The following CPNE7 variants were observed in gnomAD, a reference collection of about 807,000 sequenced individuals.
CPNE7 encodes the protein copine 7.
A neutral mutation model predicts 66.5 loss-of-function variants in CPNE7; 78 were observed. The observed-to-expected ratio is 1.17, with a 90% CI of 0.98 to 1.42. CPNE7 has a LOEUF of 1.42. Among genes scored for constraint, CPNE7 ranks in the 40% most tolerant of loss-of-function variants. The pLI is 0.00. For missense variants in CPNE7, 1,012 were observed against 776.6 expected, an observed-to-expected ratio of 1.30 and a Z score of -3.60; for synonymous variants, 468 against 336.7, an observed-to-expected ratio of 1.39 and a Z score of -4.27.
In CPNE7 at chr16:89,586,423, G is replaced by A. The variant is rs187689102; in HGVS notation, c.781-247G>A. ...CACCCTGGGCCCTGCTTCCTCCCCCGTCCCTGGGCCTCAGTGTCCTTGGGC... is the reference window on the plus strand; with the variant it reads ...CACCCTGGGCCCTGCTTCCTCCCCCATCCCTGGGCCTCAGTGTCCTTGGGC... On this transcript the variant is annotated intron_variant, in intron 7 of 14. Coordinates refer to ENST00000319518, the MANE Select transcript of CPNE7 (RefSeq NM_153636.3). 2.5e-3 allele frequency among the ~76,000 whole-genome samples: 373 copies of A among 152,022 alleles called. 2 individuals are homozygous for A. Among genetic ancestry groups the A allele is most frequent in the Admixed American group, 3.1e-3 (47 of 15,302 alleles).
chr16:89,590,599 C>G (rs2059152297), intron 11 of CPNE7, among the ~76,000 whole-genome samples: 1 of 151,366 alleles, frequency 6.6e-6, no homozygotes, highest in South Asian at 2.1e-4. Context: ...GATTTATTGG[C>G]TAATGTAAGC....
intron 9 of CPNE7, chr16:89,587,523 G>C (rs2059074018): frequency 6.6e-6 from 3 of 452,934 alleles, no homozygotes; most frequent in Non-Finnish European, 1.3e-5. Flanking sequence ...GACATCACCA[G>C]GGCTTACCTT....
At chr16:89,577,762 G>T (rs545130174) in intron 2 of CPNE7, 41 bp downstream of exon 2, 41 of 1,544,982 alleles carry the variant, frequency 2.7e-5, no homozygotes, top group South Asian at 4.8e-5. Context: ...GACGGTTGGC[G>T]TGGGGGCCAC....
chr16:89,577,820 T>A, intron 2 of CPNE7, 99 bp downstream of exon 2: 1 of 1,155,286 alleles, frequency 8.7e-7, no homozygotes, highest in Non-Finnish European at 1.2e-6. Context: ...CCTGCTGGGG[T>A]GGCCAACCTG....
chr16:89,588,885 A>AC (rs1207852852), intron 10 of CPNE7, 77 bp downstream of exon 10: 15 of 1,493,968 alleles, frequency 1.0e-5, no homozygotes, highest in African/African-American at 1.5e-5. Context: ...CTTCCCCCTC[A>AC]CCCCCCTGGT....
At chr16:89,594,809 G>A (rs1309781663) in intron 13 of CPNE7, among the ~76,000 whole-genome samples, 2 of 151,624 alleles carry the variant, frequency 1.3e-5, no homozygotes, top group South Asian at 2.1e-4. Flanking sequence ...CCACCACCAC[G>A]CCCAGCTAGT....
intron 2 of CPNE7, among the ~76,000 whole-genome samples, chr16:89,581,838 G>T (rs1029239403): frequency 2.6e-5 from 4 of 152,146 alleles, no homozygotes; most frequent in Non-Finnish European, 5.9e-5. Context: ...AGAGACAGGG[G>T]TCTCACCATG....
At chr16:89,595,263 C>G (rs2059235021) in intron 13 of CPNE7, 104 bp from the exon 14 acceptor site, 2 of 891,620 alleles carry the variant, frequency 2.2e-6, no homozygotes, top group East Asian at 2.5e-5. Context: ...CTAGGAAGCT[C>G]TGACGCACGG....
intron 10 of CPNE7, 142 bp downstream of exon 10, chr16:89,588,950 C>G: frequency 9.9e-7 from 1 of 1,006,910 alleles, no homozygotes; most frequent in Non-Finnish European, 1.5e-6. Flanking sequence ...CCCCCCTGGG[C>G]TCCAGGTCAG....
At position 89,596,903 on chromosome 16, in the gene CPNE7, T is replaced by G; in HGVS notation, c.*282T>G. ...GGACTTGGAGGGAGCTGGGAGTTCA[T>G]CCACGGGAGACCCTGCCCCGATGAG... On this transcript the variant is annotated 3_prime_UTR_variant, in exon 15 of 15. Transcript: ENST00000319518. The G allele has an allele frequency of 2.9e-6, 1 of 343,300 alleles. No individual in the cohort carries two copies. The highest frequency in any genetic ancestry group is 5.2e-6 in the Non-Finnish European group (1 of 191,924). 21.3% of individuals were successfully genotyped at this position (343,300 alleles called of 1,614,324 possible).
chr16:89,595,710 C>G, intron 14 of CPNE7, 107 bp downstream of exon 14: 1 of 1,006,786 alleles, frequency 9.9e-7, no homozygotes, highest in Non-Finnish European at 1.5e-6. Flanking sequence ...GTGGCAGGTC[C>G]CTTCTTGTGT....
chr16:89,585,257 C>T (rs908060725), intron 5 of CPNE7, among the ~76,000 whole-genome samples: 1 of 152,164 alleles, frequency 6.6e-6, no homozygotes, highest in Non-Finnish European at 1.5e-5. Flanking sequence ...AGGCACAGGG[C>T]TCGGAAATGT....
intron 10 of CPNE7, among the ~76,000 whole-genome samples, chr16:89,589,661 C>G (rs556685268): frequency 6.6e-6 from 1 of 152,272 alleles, no homozygotes; most frequent in South Asian, 2.1e-4. Context: ...AGCATGTACA[C>G]AAACGTGGAG....
At chr16:89,595,332 G>A (rs774322654) in intron 13 of CPNE7, 35 bp from the exon 14 acceptor site, 7 of 1,517,052 alleles carry the variant, frequency 4.6e-6, no homozygotes, top group Admixed American at 1.9e-5. Flanking sequence ...GCCATGGCAG[G>A]TGTGGTGTTG....
At chr16:89,581,346 A>T (rs1416551383) in intron 2 of CPNE7, among the ~76,000 whole-genome samples, 2 of 152,020 alleles carry the variant, frequency 1.3e-5, no homozygotes, top group Non-Finnish European at 2.9e-5. Context: ...CACACGGAAC[A>T]TCCCGTCACC....
chr16:89,582,388 C>T (rs2058969292), intron 2 of CPNE7, among the ~76,000 whole-genome samples: 1 of 152,240 alleles, frequency 6.6e-6, no homozygotes, highest in Admixed American at 6.5e-5. Flanking sequence ...TTGTGTTAGC[C>T]TGAGCCCGTT....
chr16:89,587,158 C>T (rs1205894322), intron 9 of CPNE7, 56 bp downstream of exon 9: 1 of 991,256 alleles, frequency 1.0e-6, no homozygotes, highest in Non-Finnish European at 1.5e-6. Flanking sequence ...CCGCCCCGCC[C>T]CGCCCCCTCA....
intron 9 of CPNE7, 83 bp downstream of exon 9, chr16:89,587,185 CT>C (rs1293249025): frequency 3.1e-6 from 2 of 650,948 alleles, no homozygotes; most frequent in South Asian, 3.7e-5. Flanking sequence ...GGCCCCGCCC[CT>C]CCCCGCCCCC....
intron 5 of CPNE7, 83 bp from the exon 6 acceptor site, chr16:89,585,381 C>A: frequency 1.0e-6 from 1 of 964,742 alleles, no homozygotes; most frequent in Non-Finnish European, 1.6e-6. Context: ...CGCCTCACAG[C>A]TGCTCTTCCA....
Sources: allele counts gnomAD v4.1 joint callset (sites outside exome capture counted in the v4.1 genomes callset), GRCh38; gene constraint gnomAD v4.1.1; transcripts MANE v1.5; gene names NCBI Gene and HGNC (gene_info 2026-07-23, HGNC 2026-07-21).